The following EPS15 variants were observed in gnomAD, a reference collection of about 807,000 sequenced individuals.
EPS15 encodes the protein epidermal growth factor receptor pathway substrate 15.
EPS15 carries 72 observed loss-of-function variants against 113.8 expected under a neutral mutation model. The ratio of observed to expected loss-of-function variants is 0.63; its 90% CI spans 0.52 to 0.77. EPS15 has a LOEUF of 0.77. Among genes scored for constraint, EPS15 ranks in the 30% least tolerant of loss-of-function variants. EPS15 has a pLI of 0.00. For missense variants in EPS15, 1,048 were observed against 1,045.8 expected (o/e 1.00, Z -0.03); for synonymous variants, 344 against 363.4 (o/e 0.95, Z 0.61).
At chr1:51,457,218 C>G (rs1409674632) in intron 8 of EPS15, among the ~76,000 whole-genome samples, 1 of 151,966 alleles carries the variant, frequency 6.6e-6, no homozygotes, top group Non-Finnish European at 1.5e-5. Context: ...ACCCAGGAGG[C>G]GGAGCTTGCA....
At chr1:51,433,254 G>C (rs1473430791) in intron 12 of EPS15, among the ~76,000 whole-genome samples, 3 of 151,902 alleles carry the variant, frequency 2.0e-5, no homozygotes, top group African/African-American at 7.3e-5. Flanking sequence ...AACAGCTATT[G>C]AGTAAATCCT....
intron 11 of EPS15, among the ~76,000 whole-genome samples, chr1:51,441,003 G>A (rs1161823896): frequency 6.6e-6 from 1 of 152,006 alleles, no homozygotes; most frequent in East Asian, 1.9e-4. Context: ...ATATGAAACT[G>A]TCTTCATATA....
chr1:51,376,585 ACCTG>A (rs2148371862), intron 21 of EPS15, among the ~76,000 whole-genome samples: 1 of 152,170 alleles, frequency 6.6e-6, no homozygotes, highest in South Asian at 2.1e-4. Flanking sequence ...AATTGCTTGA[ACCTG>A]GGAGGCAGAG....
chr1:51,356,774 G>T lies in EPS15; in HGVS notation c.2617C>A (p.Arg873=). 1 of 1,613,688 alleles carries T rather than the reference G, an allele frequency of 6.2e-7. No individual in the cohort carries two copies. The highest frequency in any genetic ancestry group is 1.1e-5 in the South Asian group (1 of 91,070). Residue 873 remains arginine, a synonymous_variant, in exon 25 of 25, where the codon CGA becomes AGA. Coordinates refer to ENST00000371733, the MANE Select transcript of EPS15 (RefSeq NM_001981.3). ...TCTTCTTGTTCCTGCTGATTTAGTC[G>T]GGCAAGCCTCTGCTCTTCCTCTCTC... is the stretch of plus-strand genomic sequence containing the variant. ...SEREEEQRLA[R]LNQQEQEDLE...
Position 51,408,060 on chromosome 1 carries a change from G to T in EPS15, c.1473+75C>A. The T allele has an allele frequency of 6.2e-6, 8 of 1,286,994 alleles. No individual in the cohort carries two copies. The South Asian group carries it at 9.5e-5, about 15-fold the overall frequency. 79.7% of individuals were successfully genotyped at this position (1,286,994 alleles called of 1,614,324 possible). A position where few individuals can be genotyped will look rare whatever the true frequency, so the allele number is the denominator to read the frequency against. Reference sequence around the variant, plus strand: ...AACTAGGCAAGAGGTTGAAGGAGCAGAAGTTGGAAAGTATAACTGACTAAA... The same window carrying T: ...AACTAGGCAAGAGGTTGAAGGAGCATAAGTTGGAAAGTATAACTGACTAAA... On this transcript the variant is annotated intron_variant, in intron 15 of 24. Coordinates refer to ENST00000371733, the MANE Select transcript of EPS15 (RefSeq NM_001981.3).
At chr1:51,473,674 A>G (rs1444382911) in intron 2 of EPS15, among the ~76,000 whole-genome samples, 1 of 152,196 alleles carries the variant, frequency 6.6e-6, no homozygotes, top group African/African-American at 2.4e-5. Context: ...TGTAAAAATG[A>G]AAAGTACATT....
rs558888303 is a variant in EPS15, at chr1:51,392,818, C to T, written c.2119+1563G>A. 2.6e-5 allele frequency among the ~76,000 whole-genome samples: 4 copies of T among 152,308 alleles called. No homozygotes were observed. The East Asian group carries it at 7.7e-4, about 29-fold the overall frequency. On this transcript the variant is annotated intron_variant, in intron 21 of 24. Coordinates refer to ENST00000371733, the MANE Select transcript of EPS15 (RefSeq NM_001981.3). ...CTTTAATCTCTGCTGGTTTAATTAA[C>T]TCTTATGGCACTTACCATTTCCTTG...
Position 51,498,740 on chromosome 1 carries a change from T to C in EPS15, c.34-17426A>G, listed in dbSNP as rs554245144. Among the ~76,000 whole-genome samples the C allele has an allele frequency of 2.6e-5, 4 of 152,320 alleles. No homozygotes were observed. The South Asian group carries it at 8.3e-4, about 32-fold the overall frequency. ...ATTATACAAAAGCTTCTCACTCCTC[T>C]CTCCCCCAGTCACCTGGTAAATACA... On this transcript the variant is annotated intron_variant, in intron 1 of 24. Transcript: ENST00000371733.
chr1:51,500,541 AG>A (rs1328800025), intron 1 of EPS15, among the ~76,000 whole-genome samples: 6 of 152,038 alleles, frequency 3.9e-5, no homozygotes, highest in African/African-American at 1.2e-4. Context: ...TTTTTGAGAA[AG>A]GGTCTTGCCT....
At chr1:51,518,871 T>G (rs1644782738) in intron 1 of EPS15, among the ~76,000 whole-genome samples, 1 of 151,548 alleles carries the variant, frequency 6.6e-6, no homozygotes, top group South Asian at 2.1e-4. Context: ...AGGTGAAAGC[T>G]GCCCCGCGGG....
chr1:51,444,897 A>T lies in EPS15; in HGVS notation c.946T>A (p.Leu316Ile). Reference protein sequence around the residue: ...EMIPPSDRASLQKNIIGSSPV... With the variant: ...EMIPPSDRASIQKNIIGSSPV... ...CTTTTAAGCTTTCTTACCTTTTGTA[A>T]ACTGGCCCTGTCTGATGGTGGAATC... The change falls in exon 11 of 25, where the codon TTA (leucine) becomes ATA (isoleucine). Residue 316 changes from leucine to isoleucine, a missense_variant. By Grantham distance (5) the Leu-to-Ile change is conservative. Transcript: ENST00000371733. 1 of 1,613,318 alleles carries T rather than the reference A, an allele frequency of 6.2e-7. No individual in the cohort carries two copies. Among genetic ancestry groups the T allele is most frequent in the Admixed American group, 1.7e-5 (1 of 59,854 alleles).
chr1:51,473,720 A>G (rs557476957), intron 2 of EPS15, among the ~76,000 whole-genome samples: 2 of 152,306 alleles, frequency 1.3e-5, no homozygotes, highest in African/African-American at 2.4e-5. Context: ...GGATAATAGT[A>G]TATTTGTGAG....
chr1:51,477,402 C>G (rs1380346458), intron 2 of EPS15, among the ~76,000 whole-genome samples: 2 of 151,972 alleles, frequency 1.3e-5, no homozygotes, highest in African/African-American at 4.8e-5. Flanking sequence ...TTCAAAAAAC[C>G]AGCTTCTGGA....
chr1:51,443,915 T>C (rs1366760116), intron 11 of EPS15, among the ~76,000 whole-genome samples: 1 of 152,186 alleles, frequency 6.6e-6, no homozygotes, highest in Non-Finnish European at 1.5e-5. Context: ...CACAAAATAC[T>C]GGGTTTACAG....
In EPS15 at chr1:51,366,011, G is replaced by A. The variant is rs1435621895; in HGVS notation, c.2138C>T (p.Ser713Phe). The A allele has an allele frequency of 6.2e-7, 1 of 1,612,330 alleles. No homozygotes were observed. The highest frequency in any genetic ancestry group is 1.1e-5 in the South Asian group (1 of 90,878). The change falls in exon 22 of 25, where the codon TCT becomes TTT. Residue 713 changes from serine to phenylalanine, a missense_variant. Coordinates refer to ENST00000371733, the MANE Select transcript of EPS15 (RefSeq NM_001981.3). ...ASDSATDPFA[S>F]VFGNESFGGG... ...TCCAAATGATTCATTCCCAAAAACA[G>A]AAGCAAAGGGGTCTGTGGCTAAAAT... is the stretch of plus-strand genomic sequence containing the variant.
intron 21 of EPS15, among the ~76,000 whole-genome samples, chr1:51,393,762 G>A (rs994175410): frequency 2.6e-4 from 40 of 152,140 alleles, no homozygotes; most frequent in African/African-American, 8.9e-4. Context: ...TTACTTTGTT[G>A]AAAAAGCTTT....
intron 1 of EPS15, among the ~76,000 whole-genome samples, chr1:51,488,493 A>AG (rs1644168728): frequency 6.6e-6 from 1 of 150,390 alleles, no homozygotes; most frequent in Non-Finnish European, 1.5e-5. Context: ...AAAAAAAAAA[A>AG]AAACTCAGAC....
At chr1:51,364,799 T>C (rs1012265245) in intron 22 of EPS15, among the ~76,000 whole-genome samples, 15 of 151,662 alleles carry the variant, frequency 9.9e-5, no homozygotes, top group African/African-American at 3.6e-4. Flanking sequence ...GCACCCAGCC[T>C]GAAAGTCAAT....
intron 7 of EPS15, among the ~76,000 whole-genome samples, chr1:51,462,755 T>G (rs1186213221): frequency 1.3e-5 from 2 of 151,950 alleles, no homozygotes; most frequent in Non-Finnish European, 2.9e-5. Context: ...ATAATGTAAA[T>G]GTAGTTAATA....
Sources: allele counts gnomAD v4.1 joint callset (sites outside exome capture counted in the v4.1 genomes callset), GRCh38; gene constraint gnomAD v4.1.1; transcripts MANE v1.5; gene names NCBI Gene and HGNC (gene_info 2026-07-23, HGNC 2026-07-21).